The following SLITRK3 variants were observed in gnomAD, a reference collection of about 807,000 sequenced individuals.
SLITRK3 encodes the protein SLIT and NTRK like family member 3.
A neutral mutation model predicts 63.6 loss-of-function variants in SLITRK3; 16 were observed. That is an observed-to-expected ratio of 0.25 (90% CI 0.17 to 0.38). The LOEUF is 0.38. Ranked by LOEUF, SLITRK3 falls within the 10% of genes least tolerant of loss-of-function variation. SLITRK3 has a pLI of 1.00. For missense variants in SLITRK3, 1,117 were observed against 1,181.4 expected (o/e 0.95, Z 0.80); for synonymous variants, 547 against 451.6 (o/e 1.21, Z -2.68).
chr3:165,188,683 A>G lies in SLITRK3; in HGVS notation c.2148T>C (p.Gly716=). 6.2e-7 allele frequency: 1 copy of G among 1,613,856 alleles called. No individual in the cohort carries two copies. Among genetic ancestry groups the G allele is most frequent in the South Asian group, 1.1e-5 (1 of 91,064 alleles). The change falls in exon 2 of 2, where the codon GGT becomes GGC. Residue 716 remains glycine, a synonymous_variant. Transcript: ENST00000475390. The stretch of plus-strand genomic sequence containing the variant: ...GTCGACCACCACCCCCACTTCCGCC[A>G]CCACCACCTCCACCATCCTCAAACA... ...HRLFEDGGGG[G]GGSGGGGRPT...
chr3:165,190,043 G>A lies in SLITRK3; in HGVS notation c.788C>T (p.Thr263Ile), dbSNP rs1253173497. The A allele has an allele frequency of 1.2e-6, 2 of 1,614,052 alleles. No homozygotes were observed. The highest frequency in any genetic ancestry group is 1.7e-6 in the Non-Finnish European group (2 of 1,179,994). Residue 263 changes from threonine (T) to isoleucine (I), a missense_variant, in exon 2 of 2, where the codon ACC (threonine) becomes ATC (isoleucine). Physicochemically the swap from Thr to Ile is moderately conservative, Grantham distance 89. Around this residue, in one of 4 missense-constraint regions of SLITRK3, gnomAD observed 452 missense variants for 495.3 expected, o/e 0.91. Coordinates refer to ENST00000475390, the MANE Select transcript of SLITRK3 (RefSeq NM_001318810.2). ...GTCCTTTCCATGGAAGTGGAAAGGG[G>A]TCTCACAGGTAATGTCTCCCACCAG... ...TALVGDITCE[T>I]PFHFHGKDLR... is the part of the protein sequence containing the mutation.
Position 165,195,938 on chromosome 3 carries a change from C to A in SLITRK3, c.-380G>T, listed in dbSNP as rs1017298413. 1 of 152,674 alleles carries A rather than the reference C, an allele frequency of 6.5e-6. No homozygotes were observed. The highest frequency in any genetic ancestry group is 2.4e-5 in the African/African-American group (1 of 41,430). The allele number at this position is 152,674 out of a possible 1,614,324, so 9.5% of individuals were successfully genotyped here. On this transcript the variant is annotated 5_prime_UTR_variant, in exon 1 of 2. Coordinates refer to ENST00000475390, the MANE Select transcript of SLITRK3 (RefSeq NM_001318810.2). ...GGACTAGGTTCCTTTGATTTAAAAT[C>A]TCGGTGCTCTGGATCAGTGGAGAGC...
In SLITRK3 at chr3:165,189,917, G is replaced by A; in HGVS notation, c.914C>T (p.Ala305Val). 2.5e-6 allele frequency: 4 copies of A among 1,614,106 alleles called. No homozygotes were observed. Among genetic ancestry groups the A allele is most frequent in the Non-Finnish European group, 3.4e-6 (4 of 1,179,992 alleles). ...IPHSSSSKEN[A>V]WPTKPSSMLS... ...CATTGAGGAAGGCTTAGTTGGCCAT[G>A]CATTCTCCTTACTTGATGACGAATG... is the stretch of plus-strand genomic sequence containing the variant. Residue 305 changes from alanine (A) to valine (V), a missense_variant, in exon 2 of 2, where the codon GCA becomes GTA. Ala to Val is a moderately conservative substitution (Grantham distance 64). Transcript: ENST00000475390. This position sits in a 1 kb window ranked among gnomAD's most constrained non-coding sequence, Gnocchi z 4.0.
At chr3:165,196,951 GCTCT>G (rs1327021042), upstream of SLITRK3, 2 of 48,582 alleles carry the variant, frequency 4.1e-5, no homozygotes, top group African/African-American at 1.4e-4. Flanking sequence ...TCTCTCTCTC[GCTCT>G]CTCTCTCGCT....
At position 165,189,062 on chromosome 3, in the gene SLITRK3, A is replaced by C; in HGVS notation, c.1769T>G (p.Leu590Arg). The C allele has an allele frequency of 6.2e-7, 1 of 1,614,172 alleles. No homozygotes were observed. The highest frequency in any genetic ancestry group is 8.5e-7 in the Non-Finnish European group (1 of 1,180,034). The change falls in exon 2 of 2, where the codon CTT becomes CGT. Residue 590 changes from leucine (L) to arginine (R), a missense_variant. This residue lies in a region of SLITRK3 where 158 missense variants were observed against 197.2 expected (regional missense o/e 0.80). Transcript: ENST00000475390. This position sits in a 1 kb window ranked among gnomAD's most constrained non-coding sequence, Gnocchi z 4.0. ...ISSVSVVGDV[L>R]CRSPENLTHR... ...CGTGAGGTTCTCAGGGCTCCTGCAA[A>C]GCACATCACCAACCACACTGACTGA... is the stretch of plus-strand genomic sequence containing the variant.
intron 1 of SLITRK3, among the ~76,000 whole-genome samples, chr3:165,194,560 C>T (rs1718351136): frequency 6.6e-6 from 1 of 152,140 alleles, no homozygotes; most frequent in South Asian, 2.1e-4. Flanking sequence ...ATACCGATAG[C>T]CTAAGCTCAG....
rs1470169630 is a variant in SLITRK3 at position 165,187,931 on chromosome 3, A to T, written c.2900T>A (p.Leu967His). ...RAKLQTKPDY[L>H]EVLEKTTYRF ...GTATGTTGTCTTCTCCAGGACTTCG[A>T]GGTAATCCGGCTTGGTTTGAAGTTT... Residue 967 changes from leucine (L) to histidine (H), a missense_variant, in exon 2 of 2, where the codon CTC (leucine) becomes CAC (histidine). Physicochemically the swap from Leu to His is moderately conservative, Grantham distance 99 (BLOSUM62 -3). This residue lies in a region of SLITRK3 where 499 missense variants were observed against 463.6 expected (regional missense o/e 1.08). Coordinates refer to ENST00000475390, the MANE Select transcript of SLITRK3 (RefSeq NM_001318810.2). The T allele has an allele frequency of 6.2e-7, 1 of 1,613,304 alleles. No individual in the cohort carries two copies. Among genetic ancestry groups the T allele is most frequent in the African/African-American group, 1.3e-5 (1 of 74,774 alleles).
chr3:165,196,934 CTGT>C (rs1718459167), upstream of SLITRK3: 5 of 138,308 alleles, frequency 3.6e-5, no homozygotes, highest in Non-Finnish European at 6.4e-5. Context: ...TCTCCTCTCT[CTGT>C]CTCTCTCTCT....
chr3:165,191,462 C>T (rs764120353), intron 1 of SLITRK3, among the ~76,000 whole-genome samples: 10 of 152,184 alleles, frequency 6.6e-5, no homozygotes, highest in Non-Finnish European at 1.2e-4. Flanking sequence ...ATGAAATGAT[C>T]ATAACATGCT....
chr3:165,188,786 C>G lies in SLITRK3; in HGVS notation c.2045G>C (p.Arg682Pro). Reference sequence around the variant, plus strand: ...GCTTCTGAAGGGCAGCTTCTTTCGACGCCTTCGGAGCACGTAGGCAAAGAG... The same window carrying G: ...GCTTCTGAAGGGCAGCTTCTTTCGAGGCCTTCGGAGCACGTAGGCAAAGAG... ...AGLFAYVLRR[R>P]RKKLPFRSKR... The change falls in exon 2 of 2, where the codon CGT becomes CCT. Residue 682 changes from arginine (R) to proline (P), a missense_variant. Arg to Pro is a moderately radical substitution (Grantham distance 103). Around this residue, in one of 4 missense-constraint regions of SLITRK3, gnomAD observed 499 missense variants for 463.6 expected, o/e 1.08. Transcript: ENST00000475390. 1 of 1,614,162 alleles carries G rather than the reference C, an allele frequency of 6.2e-7. No individual in the cohort carries two copies. The highest frequency in any genetic ancestry group is 1.1e-5 in the South Asian group (1 of 91,086).
intron 1 of SLITRK3, among the ~76,000 whole-genome samples, chr3:165,194,464 A>G (rs1322569943): frequency 6.6e-6 from 1 of 152,134 alleles, no homozygotes; most frequent in East Asian, 1.9e-4. Context: ...CTAAGTAAGC[A>G]GGAGGGCAGA....
upstream of SLITRK3, chr3:165,196,571 A>T (rs1416375562): frequency 6.5e-6 from 1 of 153,022 alleles, no homozygotes; most frequent in Non-Finnish European, 1.5e-5. Context: ...AATAACTAAA[A>T]TCGGATTACA....
chr3:165,188,218 C>A lies in SLITRK3; in HGVS notation c.2613G>T (p.Leu871=), dbSNP rs763741721. ...RHHEKNGGVV[L]FPPGGGCGSG... is the part of the protein sequence containing the mutation. ...TACCACAGCCTCCCCCAGGAGGAAA[C>A]AGCACCACCCCACCATTTTTCTCAT... Residue 871 remains leucine (L), a synonymous_variant, in exon 2 of 2, where the codon CTG becomes CTT. Coordinates refer to ENST00000475390, the MANE Select transcript of SLITRK3 (RefSeq NM_001318810.2). 1.9e-6 allele frequency: 3 copies of A among 1,613,120 alleles called. No individual in the cohort carries two copies. In the East Asian group the frequency reaches 6.7e-5, roughly 36 times the overall value.
At chr3:165,193,291 T>C (rs1233098784) in intron 1 of SLITRK3, among the ~76,000 whole-genome samples, 2 of 149,908 alleles carry the variant, frequency 1.3e-5, no homozygotes, top group Non-Finnish European at 1.5e-5. Flanking sequence ...CTTTCTTTCT[T>C]TCTTTCTTTC....
rs1425197716 is a variant in SLITRK3 at position 165,189,107 on chromosome 3, T to C, written c.1724A>G (p.Gln575Arg). 6.2e-7 allele frequency: 1 copy of C among 1,614,042 alleles called. No homozygotes were observed. Among genetic ancestry groups the C allele is most frequent in the African/African-American group, 1.3e-5 (1 of 74,920 alleles). The change falls in exon 2 of 2, where the codon CAG becomes CGG. Residue 575 changes from glutamine to arginine, a missense_variant. Coordinates refer to ENST00000475390, the MANE Select transcript of SLITRK3 (RefSeq NM_001318810.2). The surrounding 1 kb of genome is among the most constrained non-coding windows in gnomAD (Gnocchi z 4.0). ...GACTGAGCTGATGGTTTCGATCCAC[T>C]GTTTAAAGGGGACCAGGTCACAGGT... is the stretch of plus-strand genomic sequence containing the variant. ...DCTCDLVPFKQWIETISSVSV... is the reference protein window; with the variant it reads ...DCTCDLVPFKRWIETISSVSV...
intron 1 of SLITRK3, among the ~76,000 whole-genome samples, chr3:165,193,498 A>C (rs1330157951): frequency 6.7e-6 from 1 of 148,898 alleles, no homozygotes; most frequent in African/African-American, 2.4e-5. Flanking sequence ...AGAAAAGCTG[A>C]ATCTGTCTGA....
intron 1 of SLITRK3, among the ~76,000 whole-genome samples, chr3:165,192,235 T>A (rs1000283363): frequency 6.6e-6 from 1 of 152,130 alleles, no homozygotes; most frequent in African/African-American, 2.4e-5. Flanking sequence ...TCGCCTATAA[T>A]GTTCACAGCT....
At chr3:165,192,417 T>C (rs1306924667) in intron 1 of SLITRK3, among the ~76,000 whole-genome samples, 1 of 152,200 alleles carries the variant, frequency 6.6e-6, no homozygotes. Context: ...AAGTTCTTTC[T>C]TCACCATCTT....
rs776994806 is a variant in SLITRK3 at position 165,188,817 on chromosome 3, C to A, written c.2014G>T (p.Ala672Ser). 2 of 1,614,186 alleles carry A rather than the reference C, an allele frequency of 1.2e-6. No homozygotes were observed. Among genetic ancestry groups the A allele is most frequent in the South Asian group, 1.1e-5 (1 of 91,082 alleles). The change falls in exon 2 of 2, where the codon GCA becomes TCA. Residue 672 changes from alanine (A) to serine (S), a missense_variant. Physicochemically the swap from Ala to Ser is moderately conservative, Grantham distance 99. Coordinates refer to ENST00000475390, the MANE Select transcript of SLITRK3 (RefSeq NM_001318810.2). ...VLFFSAVFVA[A>S]GLFAYVLRRR... ...CGGAGCACGTAGGCAAAGAGGCCTGCAGCAACAAAGACTGCTGAGAAAAAC... is the reference window on the plus strand; with the variant it reads ...CGGAGCACGTAGGCAAAGAGGCCTGAAGCAACAAAGACTGCTGAGAAAAAC...
Sources: allele counts gnomAD v4.1 joint callset (sites outside exome capture counted in the v4.1 genomes callset), GRCh38; gene constraint gnomAD v4.1.1; regional missense constraint gnomAD v4.1.1; non-coding constraint Gnocchi (gnomAD v3.1); transcripts MANE v1.5; gene names NCBI Gene and HGNC (gene_info 2026-07-23, HGNC 2026-07-21).